Variants in RSL1D1 observed in about 807,000 individuals in gnomAD.
The protein encoded by RSL1D1 is ribosomal L1 domain containing 1.
RSL1D1 carries 34 observed loss-of-function variants against 44.6 expected under a neutral mutation model. That is an observed-to-expected ratio of 0.76 (90% CI 0.58 to 1.02). RSL1D1 has a LOEUF of 1.02. RSL1D1 is among the 50% of genes least tolerant of loss of function. The pLI is 0.00. For synonymous variants in RSL1D1, 271 were observed against 207.4 expected (o/e 1.31, Z -2.63); for missense variants, 767 against 568.1 (o/e 1.35, Z -3.56).
rs952022916 is a variant in RSL1D1 at position 11,847,474 on chromosome 16, C to G, written c.384+194G>C. On this transcript the variant is annotated intron_variant, in intron 3 of 8. Transcript: ENST00000571133. ...AGAAAAACAAGATGCTGTGGAAGTACAGAGGAATGACACGAGCCACCTCTT... is the reference window on the plus strand; with the variant it reads ...AGAAAAACAAGATGCTGTGGAAGTAGAGAGGAATGACACGAGCCACCTCTT... The G allele has an allele frequency of 5.7e-6, 3 of 527,518 alleles. No individual in the cohort carries two copies. In the African/African-American group the frequency reaches 5.8e-5, roughly 10 times the overall value. 32.7% of individuals were successfully genotyped at this position (527,518 alleles called of 1,614,324 possible).
At chr16:11,841,487 A>C (rs555897685) in intron 7 of RSL1D1, 1 of 485,786 alleles carries the variant, frequency 2.1e-6, no homozygotes, top group Admixed American at 3.9e-5. Flanking sequence ...AGATATTTCT[A>C]TCTTAATGCG....
At chr16:11,848,600 C>T (rs963790054) in intron 2 of RSL1D1, among the ~76,000 whole-genome samples, 5 of 152,148 alleles carry the variant, frequency 3.3e-5, no homozygotes, top group African/African-American at 1.2e-4. Context: ...TCATAGCTCA[C>T]GATAGCCTCC....
Position 11,851,473 on chromosome 16 carries a change from C to T in RSL1D1, c.40G>A (p.Ala14Thr). Reference sequence around the variant, plus strand: ...GGAGTCGAGGTGGAGGTTCCAGTAGCGGCTGCAGAAGACAGCGAGGCCGAG... The same window carrying T: ...GGAGTCGAGGTGGAGGTTCCAGTAGTGGCTGCAGAAGACAGCGAGGCCGAG... ...SASASLSSAA[A>T]TGTSTSTPAA... is the part of the protein sequence containing the mutation. The change falls in exon 1 of 9, where the codon GCT becomes ACT. Residue 14 changes from alanine (A) to threonine (T), a missense_variant. By Grantham distance (58) the Ala-to-Thr change is moderately conservative. Transcript: ENST00000571133. 6.2e-7 allele frequency: 1 copy of T among 1,614,076 alleles called. No homozygotes were observed. Among genetic ancestry groups the T allele is most frequent in the Non-Finnish European group, 8.5e-7 (1 of 1,179,992 alleles).
chr16:11,843,760 A>G (rs984374146), intron 5 of RSL1D1, among the ~76,000 whole-genome samples: 1 of 147,244 alleles, frequency 6.8e-6, no homozygotes, highest in Admixed American at 7.1e-5. Flanking sequence ...AGTCCCAGCT[A>G]CTTGGGAGGC....
chr16:11,848,965 A>G (rs2053817521), intron 2 of RSL1D1, among the ~76,000 whole-genome samples: 1 of 152,054 alleles, frequency 6.6e-6, no homozygotes, highest in South Asian at 2.1e-4. Context: ...TTTAGGAGAC[A>G]TGGGATTTCG....
At chr16:11,840,522 C>T (rs758553004) in intron 7 of RSL1D1, among the ~76,000 whole-genome samples, 5 of 152,108 alleles carry the variant, frequency 3.3e-5, no homozygotes, top group Non-Finnish European at 5.9e-5. Flanking sequence ...GAGCTGAGAT[C>T]ATGCCACTGC....
intron 8 of RSL1D1, among the ~76,000 whole-genome samples, chr16:11,838,445 G>A (rs1350584244): frequency 6.6e-6 from 1 of 152,134 alleles, no homozygotes; most frequent in East Asian, 1.9e-4. Context: ...TTACAGGCGT[G>A]AGCCACTGTG....
chr16:11,842,112 TA>T, intron 5 of RSL1D1, 112 bp from the exon 6 acceptor site: 1 of 794,554 alleles, frequency 1.3e-6, no homozygotes, highest in South Asian at 1.9e-5. Flanking sequence ...CTTTTTCTTT[TA>T]AAAAGGTAGA....
At chr16:11,841,415 A>C in intron 7 of RSL1D1, 1 of 284,422 alleles carries the variant, frequency 3.5e-6, no homozygotes, top group South Asian at 3.6e-5. Context: ...CTCTCTAAAA[A>C]AACCCAGCAA....
rs1207301697 is a variant in RSL1D1 at position 11,839,990 on chromosome 16, CA to C, written c.856-6del. The C allele has an allele frequency of 1.2e-6, 2 of 1,607,436 alleles. No homozygotes were observed. The highest frequency in any genetic ancestry group is 1.7e-6 in the Non-Finnish European group (2 of 1,177,980). Reference sequence around the variant, plus strand: ...TCTTCGTTTTCTCCTTGCCTCCTACCAAAAAACACCATACAAACATTTTAGC... The same window carrying C: ...TCTTCGTTTTCTCCTTGCCTCCTACCAAAAACACCATACAAACATTTTAGC... On this transcript the variant is annotated splice_polypyrimidine_tract_variant and splice_region_variant and intron_variant, in intron 7 of 8. Transcript: ENST00000571133.
chr16:11,850,261 T>C lies in RSL1D1; in HGVS notation c.245+18A>G, dbSNP rs777644009. 12 of 1,560,576 alleles carry C rather than the reference T, an allele frequency of 7.7e-6. No homozygotes were observed. Among genetic ancestry groups the C allele is most frequent in the African/African-American group, 2.8e-5 (2 of 71,776 alleles). On this transcript the variant is annotated intron_variant, in intron 2 of 8. Coordinates refer to ENST00000571133, the MANE Select transcript of RSL1D1 (RefSeq NM_015659.3). ...AACACACAGATAAAAACAGCAAAGG[T>C]AGAAAATCACAACTTACAATCTGAC... is the stretch of plus-strand genomic sequence containing the variant.
chr16:11,844,676 G>C (rs1210873561), intron 5 of RSL1D1, among the ~76,000 whole-genome samples: 1 of 152,182 alleles, frequency 6.6e-6, no homozygotes, highest in African/African-American at 2.4e-5. Context: ...CAAGAAGTCT[G>C]TGTTGTTTTC....
intron 1 of RSL1D1, 112 bp from the exon 2 acceptor site, chr16:11,850,530 T>C (rs770135458): frequency 2.2e-5 from 24 of 1,086,740 alleles, no homozygotes; most frequent in Non-Finnish European, 2.9e-5. Context: ...ACCTTCTATT[T>C]TTTCCCTTCC....
chr16:11,834,278 C>T lies in RSL1D1; in HGVS notation c.*3509G>A. The T allele has an allele frequency of 6.6e-6, 1 of 152,176 alleles. No homozygotes were observed. The highest frequency in any genetic ancestry group is 1.9e-4 in the East Asian group (1 of 5,204). 9.4% of individuals were successfully genotyped at this position (152,176 alleles called of 1,614,324 possible). On this transcript the variant is annotated 3_prime_UTR_variant, in exon 9 of 9. Coordinates refer to ENST00000571133, the MANE Select transcript of RSL1D1 (RefSeq NM_015659.3). ...ATAATCAGTACAAACCATATACATACCACCATTTTTCAGTACAGTACTCAT... is the reference window on the plus strand; with the variant it reads ...ATAATCAGTACAAACCATATACATATCACCATTTTTCAGTACAGTACTCAT...
chr16:11,837,517 A>G lies in RSL1D1; in HGVS notation c.*270T>C, dbSNP rs1199649833. Reference sequence around the variant, plus strand: ...AGGTGTCCACCACCATGCCCAATTAATTTTTGTATTTTTGGTACAGACAGG... The same window carrying G: ...AGGTGTCCACCACCATGCCCAATTAGTTTTTGTATTTTTGGTACAGACAGG... On this transcript the variant is annotated 3_prime_UTR_variant, in exon 9 of 9. Coordinates refer to ENST00000571133, the MANE Select transcript of RSL1D1 (RefSeq NM_015659.3). 1.4e-5 allele frequency: 4 copies of G among 293,492 alleles called. No homozygotes were observed. Among genetic ancestry groups the G allele is most frequent in the Non-Finnish European group, 2.5e-5 (4 of 158,184 alleles). 18.2% of individuals were successfully genotyped at this position (293,492 alleles called of 1,614,324 possible).
intron 5 of RSL1D1, among the ~76,000 whole-genome samples, chr16:11,844,392 C>A (rs2053784217): frequency 6.6e-6 from 1 of 152,190 alleles, no homozygotes; most frequent in Non-Finnish European, 1.5e-5. Flanking sequence ...GTACCATCTT[C>A]TTCTCCCAGA....
At chr16:11,843,559 C>T (rs1259561737) in intron 5 of RSL1D1, among the ~76,000 whole-genome samples, 1 of 151,876 alleles carries the variant, frequency 6.6e-6, no homozygotes, top group Admixed American at 6.6e-5. Context: ...TCTACCCAGC[C>T]GCCATGTTCA....
intron 7 of RSL1D1, 27 bp downstream of exon 7, chr16:11,841,668 T>G: frequency 6.3e-7 from 1 of 1,595,724 alleles, no homozygotes; most frequent in Non-Finnish European, 8.6e-7. Context: ...CATTATTCAT[T>G]CTGTAAGTAT....
At chr16:11,838,997 TC>T (rs538178849) in intron 8 of RSL1D1, among the ~76,000 whole-genome samples, 150 of 151,916 alleles carry the variant, frequency 9.9e-4, no homozygotes, top group African/African-American at 3.5e-3. Flanking sequence ...TGGGAGCAAA[TC>T]CTGAGTCTTC....
Sources: gnomAD v4.1 joint callset for allele counts (sites outside exome capture counted in the v4.1 genomes callset) on GRCh38, gnomAD v4.1.1 for gene constraint, MANE v1.5 for transcripts, NCBI Gene and HGNC (gene_info 2026-07-23, HGNC 2026-07-21) for gene names.